GARIN2: variants seen among roughly 807,000 people sequenced by gnomAD.
The protein encoded by GARIN2 is golgi associated RAB2 interactor family member 2, also known as Golgi-associated RAB2 interactor protein 2.
At chr14:67,216,092 C>A in the GARIN2 span, among the ~76,000 whole-genome samples, 3 of 152,118 alleles carry the variant, frequency 2.0e-5, no homozygotes, top group Non-Finnish European at 1.5e-5. Context: ...TACCAATCCC[C>A]CATGGTATCT....
chr14:67,207,727 GA>G, the GARIN2 span, among the ~76,000 whole-genome samples: 1 of 152,116 alleles, frequency 6.6e-6, no homozygotes, highest in Non-Finnish European at 1.5e-5. Flanking sequence ...AAATTAGGAG[GA>G]GGGGGGGATT....
At chr14:67,224,259 CTTTTTTT>C in the GARIN2 span, among the ~76,000 whole-genome samples, 7 of 134,800 alleles carry the variant, frequency 5.2e-5, no homozygotes, top group Non-Finnish European at 6.4e-5. Flanking sequence ...TCTCTCTTTT[CTTTTTTT>C]TTTTTTTTTT....
chr14:67,192,547 G>C, the GARIN2 span, among the ~76,000 whole-genome samples: 13 of 151,812 alleles, frequency 8.6e-5, no homozygotes, highest in Non-Finnish European at 1.6e-4. Context: ...GCAAAGCAGA[G>C]TGCAAGGAGC....
At chr14:67,227,938 G>A in the GARIN2 span, among the ~76,000 whole-genome samples, 1 of 152,182 alleles carries the variant, frequency 6.6e-6, no homozygotes, top group African/African-American at 2.4e-5. Context: ...TGGAGGCCAA[G>A]GCGGGTGGAT....
the GARIN2 span, among the ~76,000 whole-genome samples, chr14:67,216,044 T>G: frequency 6.6e-6 from 1 of 152,190 alleles, no homozygotes; most frequent in Non-Finnish European, 1.5e-5. Flanking sequence ...GAGCAAATAG[T>G]GCATAGAGTT....
At chr14:67,203,334 TG>T in the GARIN2 span, 13 of 1,487,014 alleles carry the variant, frequency 8.7e-6, no homozygotes, top group Admixed American at 2.7e-4. Context: ...TCTCAGAAGA[TG>T]TGCATTAGCC....
At chr14:67,212,773 C>G in the GARIN2 span, among the ~76,000 whole-genome samples, 1 of 151,118 alleles carries the variant, frequency 6.6e-6, no homozygotes, top group African/African-American at 2.4e-5. Flanking sequence ...AAAGTATAGG[C>G]CAAGGGAAAC....
the GARIN2 span, among the ~76,000 whole-genome samples, chr14:67,190,758 G>C: frequency 3.9e-5 from 6 of 152,336 alleles, no homozygotes; most frequent in Admixed American, 1.3e-4. Flanking sequence ...GGTGCAACCA[G>C]AACTGCAACC....
At chr14:67,204,386 C>A in the GARIN2 span, 1 of 1,105,404 alleles carries the variant, frequency 9.0e-7, no homozygotes, top group Non-Finnish European at 1.2e-6. Context: ...CTGCAGTGAG[C>A]CATGATCGCA....
the GARIN2 span, among the ~76,000 whole-genome samples, chr14:67,201,218 CA>C: frequency 6.6e-6 from 1 of 152,140 alleles, no homozygotes; most frequent in East Asian, 1.9e-4. Flanking sequence ...TGCTTAAGCC[CA>C]GGAGCTCCAG....
At chr14:67,204,909 A>C in the GARIN2 span, 3 of 1,611,312 alleles carry the variant, frequency 1.9e-6, no homozygotes, top group African/African-American at 1.4e-5. Flanking sequence ...CCGACATCAC[A>C]GATGTCACAG....
At chr14:67,196,005 C>T in the GARIN2 span, among the ~76,000 whole-genome samples, 41 of 151,990 alleles carry the variant, frequency 2.7e-4, no homozygotes, top group Non-Finnish European at 5.3e-4. Context: ...AGGCTGTTCT[C>T]GAACTCCTGA....
At chr14:67,215,557 A>G in the GARIN2 span, among the ~76,000 whole-genome samples, 1 of 152,170 alleles carries the variant, frequency 6.6e-6, no homozygotes, top group African/African-American at 2.4e-5. Context: ...TAAAGTAGGA[A>G]GAGAAAAACA....
chr14:67,190,667 C>T, the GARIN2 span, among the ~76,000 whole-genome samples: 1 of 152,134 alleles, frequency 6.6e-6, no homozygotes, highest in African/African-American at 2.4e-5. Context: ...GAACACAAGG[C>T]TTTCTCTTCA....
At chr14:67,220,878 G>T in the GARIN2 span, among the ~76,000 whole-genome samples, 1 of 152,026 alleles carries the variant, frequency 6.6e-6, no homozygotes, top group Non-Finnish European at 1.5e-5. Flanking sequence ...ACTTGAACTG[G>T]GTGTATTTGC....
chr14:67,198,416 G>A, the GARIN2 span: 1 of 1,202,138 alleles, frequency 8.3e-7, no homozygotes, highest in Non-Finnish European at 1.2e-6. Context: ...TTTTAAATGT[G>A]CCGAGGGAAT....
At chr14:67,191,309 C>T in the GARIN2 span, among the ~76,000 whole-genome samples, 3 of 152,156 alleles carry the variant, frequency 2.0e-5, no homozygotes, top group Non-Finnish European at 4.4e-5. Context: ...GTTGGTTTCA[C>T]TATAGAAATC....
At chr14:67,211,683 A>G in the GARIN2 span, among the ~76,000 whole-genome samples, 1 of 152,158 alleles carries the variant, frequency 6.6e-6, no homozygotes, top group Non-Finnish European at 1.5e-5. Context: ...AATCCCATCA[A>G]CTGTGGAAGC....
the GARIN2 span, among the ~76,000 whole-genome samples, chr14:67,207,333 G>C: frequency 1.3e-5 from 2 of 152,166 alleles, no homozygotes; most frequent in African/African-American, 2.4e-5. Context: ...TGGCCAGAGA[G>C]AGAGCAAAAG....
Sources: allele counts gnomAD v4.1 joint callset (sites outside exome capture counted in the v4.1 genomes callset), GRCh38; gene constraint gnomAD v4.1.1; transcripts MANE v1.5; gene names NCBI Gene and HGNC (gene_info 2026-07-23, HGNC 2026-07-21).